Variants in CCDC171 observed in about 807,000 individuals in gnomAD.
The protein encoded by CCDC171 is coiled-coil domain-containing protein 171.
Under a neutral mutation model 168.2 loss-of-function variants are expected in CCDC171, and 177 were observed. The observed-to-expected ratio is 1.05, with a 90% CI of 0.93 to 1.19. The LOEUF is 1.19. Ranked by LOEUF, CCDC171 falls within the 50% of genes most tolerant of loss-of-function variation. The pLI is 0.00. For synonymous variants in CCDC171, 687 were observed against 540.8 expected, an observed-to-expected ratio of 1.27 and a Z score of -3.75; for missense variants, 1,991 against 1,539.0, an observed-to-expected ratio of 1.29 and a Z score of -4.91.
chr9:15,641,256 A>G (rs1309431106), intron 7 of CCDC171, among the ~76,000 whole-genome samples: 1 of 152,210 alleles, frequency 6.6e-6, no homozygotes, highest in African/African-American at 2.4e-5. Flanking sequence ...CACACTCCTG[A>G]GGAAATCATT....
chr9:15,713,707 A>G (rs1437282306), intron 11 of CCDC171, among the ~76,000 whole-genome samples: 1 of 152,078 alleles, frequency 6.6e-6, no homozygotes, highest in African/African-American at 2.4e-5. Flanking sequence ...ACTATGATCC[A>G]CTCATAAGGA....
rs141606943 is a variant in CCDC171 at position 15,751,574 on chromosome 9, G to A, written c.2671+5943G>A. On this transcript the variant is annotated intron_variant, in intron 18 of 25. Transcript: ENST00000380701. ...TACCAAAACAGATATATAGACCAAT[G>A]CAACAGAACAGAGGCCTCAGAAATA... Among the ~76,000 whole-genome samples the A allele has an allele frequency of 7.6e-4, 115 of 152,248 alleles. No homozygotes were observed. The South Asian group carries it at 0.011, about 15-fold the overall frequency.
chr9:15,626,779 T>C (rs2045160975), intron 7 of CCDC171, among the ~76,000 whole-genome samples: 1 of 152,204 alleles, frequency 6.6e-6, no homozygotes, highest in South Asian at 2.1e-4. Flanking sequence ...AATTCTCTTT[T>C]TTTTAGTTGT....
chr9:15,956,976 C>G (rs998702694), intron 25 of CCDC171, among the ~76,000 whole-genome samples: 2 of 150,508 alleles, frequency 1.3e-5, no homozygotes, highest in Non-Finnish European at 2.9e-5. Flanking sequence ...AATCTTTTCT[C>G]TCAGTAGGGC....
At chr9:15,888,735 G>T (rs1328184346) in intron 24 of CCDC171, among the ~76,000 whole-genome samples, 2 of 151,920 alleles carry the variant, frequency 1.3e-5, no homozygotes, top group African/African-American at 4.8e-5. Context: ...TATAACACAG[G>T]AGTTATTTTT....
the CCDC171 span, among the ~76,000 whole-genome samples, chr9:16,104,193 C>A: frequency 1.3e-5 from 2 of 152,226 alleles, no homozygotes; most frequent in African/African-American, 4.8e-5. Context: ...CTTTCACCTC[C>A]CTACAGTCCT....
intron 11 of CCDC171, among the ~76,000 whole-genome samples, chr9:15,707,184 A>G (rs1370790925): frequency 6.6e-6 from 1 of 152,062 alleles, no homozygotes; most frequent in Non-Finnish European, 1.5e-5. Flanking sequence ...CTCCTAATTC[A>G]CTGAGGTTTA....
At chr9:15,629,821 T>G (rs58422092) in intron 7 of CCDC171, among the ~76,000 whole-genome samples, 2 of 152,080 alleles carry the variant, frequency 1.3e-5, no homozygotes, top group Admixed American at 6.6e-5. Flanking sequence ...AGACTAACAG[T>G]GGATCTCTCG....
At chr9:15,803,558 G>T (rs1013661316) in intron 21 of CCDC171, among the ~76,000 whole-genome samples, 1 of 152,086 alleles carries the variant, frequency 6.6e-6, no homozygotes, top group African/African-American at 2.4e-5. Context: ...GTTTGTCAAA[G>T]ATCAGATGGT....
At chr9:15,556,522 G>C (rs1200141940) in intron 1 of CCDC171, among the ~76,000 whole-genome samples, 1 of 152,068 alleles carries the variant, frequency 6.6e-6, no homozygotes, top group Non-Finnish European at 1.5e-5. Flanking sequence ...GTGTCTGTTG[G>C]CTGCATAAAT....
chr9:15,918,177 A>T (rs183487240), intron 24 of CCDC171, among the ~76,000 whole-genome samples: 4 of 151,694 alleles, frequency 2.6e-5, no homozygotes, highest in East Asian at 1.9e-4. Context: ...AAACTAGATT[A>T]AAAAAAGTAT....
At chr9:15,797,455 A>G (rs12553816) in intron 21 of CCDC171, among the ~76,000 whole-genome samples, 55,506 of 151,608 alleles carry the variant, frequency 0.37, 12,566 homozygotes, top group East Asian at 0.62. Context: ...GGCTGAAGCA[A>G]TCCACCTGCC....
rs1405963107 is a variant in CCDC171 at position 15,692,659 on chromosome 9, CTGGGA to C, written c.1216-2575_1216-2571del. 1.8e-4 allele frequency among the ~76,000 whole-genome samples: 28 copies of C among 151,470 alleles called. No individual in the cohort carries two copies. The East Asian group carries it at 5.0e-3, about 27-fold the overall frequency. On this transcript the variant is annotated intron_variant, in intron 10 of 25. Transcript: ENST00000380701. ...TCTCCTGCCTCAGCCTCCCAAGTAG[CTGGGA>C]CTACAGGCGCCCGCCACCATGCCCA...
At chr9:15,601,516 A>G (rs1450275401) in intron 6 of CCDC171, among the ~76,000 whole-genome samples, 1 of 152,114 alleles carries the variant, frequency 6.6e-6, no homozygotes, top group East Asian at 1.9e-4. Flanking sequence ...TCATTAGTTC[A>G]TTTACTCGTT....
Position 15,611,590 on chromosome 9 carries a change from C to T in CCDC171, c.676-11677C>T, listed in dbSNP as rs553655306. Among the ~76,000 whole-genome samples the T allele has an allele frequency of 2.6e-5, 4 of 152,252 alleles. No individual in the cohort carries two copies. The South Asian group carries it at 6.2e-4, about 24-fold the overall frequency. On this transcript the variant is annotated intron_variant, in intron 6 of 25. Coordinates refer to ENST00000380701, the MANE Select transcript of CCDC171 (RefSeq NM_173550.4). ...CTAACTGCCCACTATGCAGATGTTG[C>T]TTAATCTCCTTATTTTTAATAAGGT... is the stretch of plus-strand genomic sequence containing the variant.
intron 25 of CCDC171, among the ~76,000 whole-genome samples, chr9:15,938,550 A>C (rs961117): frequency 0.34 from 51,129 of 151,652 alleles, 10,837 homozygotes; most frequent in East Asian, 0.63. Flanking sequence ...TTCCTTTTGA[A>C]GTTACTTTAT....
chr9:15,717,889 T>G (rs1325978962), intron 11 of CCDC171, among the ~76,000 whole-genome samples: 1 of 152,216 alleles, frequency 6.6e-6, no homozygotes, highest in Non-Finnish European at 1.5e-5. Context: ...TGGTTTGAAG[T>G]GTGGCCCAGA....
At chr9:15,713,812 G>T (rs1410148518) in intron 11 of CCDC171, among the ~76,000 whole-genome samples, 1 of 151,714 alleles carries the variant, frequency 6.6e-6, no homozygotes, top group Non-Finnish European at 1.5e-5. Flanking sequence ...AGTAGAGAAT[G>T]AAGTGGAGCA....
chr9:15,595,167 C>T (rs1025581434), intron 6 of CCDC171, among the ~76,000 whole-genome samples: 3 of 151,524 alleles, frequency 2.0e-5, no homozygotes, highest in Non-Finnish European at 4.4e-5. Context: ...TTTAATTATA[C>T]TTTAAGTTTT....
Sources: allele counts gnomAD v4.1 joint callset (sites outside exome capture counted in the v4.1 genomes callset), GRCh38; gene constraint gnomAD v4.1.1; transcripts MANE v1.5; gene names NCBI Gene and HGNC (gene_info 2026-07-23, HGNC 2026-07-21).